The following FRMD4A variants were observed in gnomAD, a reference collection of about 807,000 sequenced individuals.
FRMD4A encodes FERM domain-containing protein 4A.
A neutral mutation model predicts 129.1 loss-of-function variants in FRMD4A; 29 were observed. That is an observed-to-expected ratio of 0.22 (90% confidence interval 0.17 to 0.31). The LOEUF is 0.31. Among genes scored for constraint, FRMD4A ranks in the 10% least tolerant of loss-of-function variants. The pLI is 1.00. For missense variants in FRMD4A, 1,272 were observed against 1,375.8 expected (o/e 0.92, Z 1.19); for synonymous variants, 634 against 571.6 (o/e 1.11, Z -1.56).
At chr10:14,222,484 G>T (rs997066783) in intron 2 of FRMD4A, among the ~76,000 whole-genome samples, 6 of 152,136 alleles carry the variant, frequency 3.9e-5, no homozygotes, top group Non-Finnish European at 5.9e-5. Context: ...AACTTGACTT[G>T]ATTAGAGTGA....
At chr10:14,062,463 A>C (rs1383217873) in intron 2 of FRMD4A, among the ~76,000 whole-genome samples, 2 of 152,182 alleles carry the variant, frequency 1.3e-5, no homozygotes, top group African/African-American at 4.8e-5. Context: ...TGCTGAAGGG[A>C]AAGAAAGTCT....
chr10:13,747,555 A>AAAAT (rs1207513941), intron 9 of FRMD4A, among the ~76,000 whole-genome samples, 181 bp downstream of exon 9: 147 of 151,858 alleles, frequency 9.7e-4, no homozygotes, highest in South Asian at 3.1e-3. Context: ...AATTATTTTA[A>AAAAT]AAATAAATAA....
At chr10:14,084,208 A>G (rs550610624) in intron 2 of FRMD4A, among the ~76,000 whole-genome samples, 2 of 152,260 alleles carry the variant, frequency 1.3e-5, no homozygotes, top group East Asian at 3.9e-4. Flanking sequence ...GTGCAGTGGC[A>G]TGATCTTGGC....
At chr10:13,684,558 ACAGCCTCTTT>A (rs1175452576) in intron 15 of FRMD4A, 1 of 985,580 alleles carries the variant, frequency 1.0e-6, no homozygotes, top group African/African-American at 1.7e-5. Context: ...ACATGGAAGG[ACAGCCTCTTT>A]CAGCCTCATT....
chr10:14,263,416 C>T (rs1844871830), intron 2 of FRMD4A, among the ~76,000 whole-genome samples: 1 of 152,192 alleles, frequency 6.6e-6, no homozygotes, highest in Non-Finnish European at 1.5e-5. Context: ...CCGTCGTCTT[C>T]CTTTGTTTAG....
At chr10:13,874,708 T>C (rs1043974880) in intron 2 of FRMD4A, among the ~76,000 whole-genome samples, 2 of 152,234 alleles carry the variant, frequency 1.3e-5, no homozygotes, top group African/African-American at 2.4e-5. Flanking sequence ...ATCCTTGGAC[T>C]CTGTCATTTC....
chr10:14,330,260 G>A (rs1843464821), intron 1 of FRMD4A, 77 bp from the exon 2 acceptor site: 1 of 680,944 alleles, frequency 1.5e-6, no homozygotes, highest in Non-Finnish European at 2.6e-6. Context: ...TTCACACAGG[G>A]TGGGGAGGAG....
intron 13 of FRMD4A, among the ~76,000 whole-genome samples, chr10:13,701,908 G>C (rs563270986): frequency 2.6e-5 from 4 of 152,170 alleles, no homozygotes; most frequent in African/African-American, 4.8e-5. Flanking sequence ...ACAGGCTACA[G>C]CGTCCCAGGG....
intron 6 of FRMD4A, among the ~76,000 whole-genome samples, chr10:13,782,094 A>T (rs1588691943): frequency 6.6e-6 from 1 of 152,134 alleles, no homozygotes; most frequent in East Asian, 1.9e-4. Context: ...AAATATAAAA[A>T]TATTTTCCAA....
intron 2 of FRMD4A, among the ~76,000 whole-genome samples, chr10:14,094,269 C>G (rs1836820486): frequency 6.6e-6 from 1 of 152,206 alleles, no homozygotes; most frequent in Non-Finnish European, 1.5e-5. Context: ...ATGTTAAGGG[C>G]TTGGTATAGA....
At chr10:13,696,539 T>G (rs1002735064) in intron 14 of FRMD4A, among the ~76,000 whole-genome samples, 10 of 152,160 alleles carry the variant, frequency 6.6e-5, no homozygotes, top group Non-Finnish European at 1.3e-4. Context: ...AGGCCAGGTA[T>G]TTGAGAACAG....
At chr10:13,917,940 G>A (rs2095028780) in intron 2 of FRMD4A, among the ~76,000 whole-genome samples, 1 of 152,180 alleles carries the variant, frequency 6.6e-6, no homozygotes, top group Non-Finnish European at 1.5e-5. Flanking sequence ...TTCAGAGGAT[G>A]TGGTGTGGGC....
At chr10:14,243,451 G>A (rs1214995155) in intron 2 of FRMD4A, among the ~76,000 whole-genome samples, 1 of 152,110 alleles carries the variant, frequency 6.6e-6, no homozygotes, top group African/African-American at 2.4e-5. Flanking sequence ...CCAGTCATGC[G>A]GAACTGTGAG....
At chr10:14,180,956 G>A (rs1378059478) in intron 2 of FRMD4A, among the ~76,000 whole-genome samples, 1 of 152,134 alleles carries the variant, frequency 6.6e-6, no homozygotes, top group African/African-American at 2.4e-5. Flanking sequence ...AGGAAAACAC[G>A]GTATGAGGTT....
At chr10:13,658,897 A>AG (rs1322129964) in intron 21 of FRMD4A, among the ~76,000 whole-genome samples, 2 of 151,790 alleles carry the variant, frequency 1.3e-5, no homozygotes, top group African/African-American at 4.8e-5. Context: ...AAAAAAAAAA[A>AG]AAAGAAACAG....
chr10:13,943,119 T>C (rs1404849327), intron 2 of FRMD4A, among the ~76,000 whole-genome samples: 1 of 152,112 alleles, frequency 6.6e-6, no homozygotes, highest in East Asian at 1.9e-4. Flanking sequence ...CAATTACATT[T>C]GGGAGGAACC....
At chr10:13,961,592 T>C (rs911259920) in intron 2 of FRMD4A, among the ~76,000 whole-genome samples, 3 of 152,152 alleles carry the variant, frequency 2.0e-5, no homozygotes, top group Non-Finnish European at 2.9e-5. Flanking sequence ...CCCATTCACC[T>C]CCCACCACCT....
At chr10:14,155,750 G>C (rs2131861181) in intron 2 of FRMD4A, among the ~76,000 whole-genome samples, 1 of 152,144 alleles carries the variant, frequency 6.6e-6, no homozygotes, top group East Asian at 1.9e-4. Context: ...GAGTGAGAGT[G>C]GTTGGAGGTT....
chr10:14,108,233 T>C (rs1386952414), intron 2 of FRMD4A, among the ~76,000 whole-genome samples: 3 of 152,222 alleles, frequency 2.0e-5, no homozygotes, highest in Non-Finnish European at 4.4e-5. Context: ...CAGCTCTATT[T>C]TCAGATAAGT....
Sources: allele counts gnomAD v4.1 joint callset (sites outside exome capture counted in the v4.1 genomes callset), GRCh38; gene constraint gnomAD v4.1.1; transcripts MANE v1.5; gene names NCBI Gene and HGNC (gene_info 2026-07-23, HGNC 2026-07-21).